Variants in SLC37A1 observed in about 807,000 individuals in gnomAD.
The protein encoded by SLC37A1 is solute carrier family 37 member 1, also known as glucose-6-phosphate exchanger SLC37A1.
Under a neutral mutation model 75.3 loss-of-function variants are expected in SLC37A1, and 49 were observed. The observed-to-expected ratio is 0.65, with a 90% CI of 0.52 to 0.83. SLC37A1 has a LOEUF of 0.83. Among genes scored for constraint, SLC37A1 ranks in the 40% least tolerant of loss-of-function variants. SLC37A1 has a pLI of 0.00. For synonymous variants in SLC37A1, 268 were observed against 292.1 expected (o/e 0.92, Z 0.84); for missense variants, 566 against 695.0 (o/e 0.81, Z 2.09).
chr21:42,574,327 G>T (rs769788859), intron 17 of SLC37A1, among the ~76,000 whole-genome samples: 9 of 152,174 alleles, frequency 5.9e-5, no homozygotes, highest in Non-Finnish European at 1.3e-4. Context: ...AAAATAATGG[G>T]AGTGTTGGAT....
chr21:42,551,744 G>T (rs943117202), intron 9 of SLC37A1, among the ~76,000 whole-genome samples: 1 of 152,188 alleles, frequency 6.6e-6, no homozygotes, highest in African/African-American at 2.4e-5. Flanking sequence ...CACTCCTTCT[G>T]ATTGGTTAAT....
At chr21:42,537,582 G>A (rs928123061) in intron 5 of SLC37A1, among the ~76,000 whole-genome samples, 1 of 152,118 alleles carries the variant, frequency 6.6e-6, no homozygotes, top group African/African-American at 2.4e-5. Flanking sequence ...GGCATCTAGT[G>A]GCTAGAAACC....
intron 11 of SLC37A1, among the ~76,000 whole-genome samples, chr21:42,561,149 A>G (rs2055818487): frequency 6.6e-6 from 1 of 152,206 alleles, no homozygotes; most frequent in South Asian, 2.1e-4. Flanking sequence ...TTCATTTTAG[A>G]ATGACTTGGC....
Position 42,548,680 on chromosome 21 carries a change from CTG to C in SLC37A1, c.768+1542_768+1543del. Among the ~76,000 whole-genome samples, 1 of 152,248 alleles carries C rather than the reference CTG, an allele frequency of 6.6e-6. No individual in the cohort carries two copies. Among genetic ancestry groups the C allele is most frequent in the East Asian group, 1.9e-4 (1 of 5,198 alleles). On this transcript the variant is annotated intron_variant, in intron 9 of 19. Transcript: ENST00000352133. This position sits in a 1 kb window ranked among gnomAD's most constrained non-coding sequence, Gnocchi z 5.6. ...CTTCTTCACACCGCACTTGCAGAGA[CTG>C]TATTGATACAGACGCCAGAGCACAT...
In SLC37A1 at chr21:42,573,415, T is replaced by C. The variant is rs553547374; in HGVS notation, c.1424-1403T>C. ...TCCCTGTGCTGTCTCCCTCTGAGGA[T>C]GCTCAGTGGAGCAGGGAACACTGGA... On this transcript the variant is annotated intron_variant, in intron 17 of 19. Transcript: ENST00000352133. Among the ~76,000 whole-genome samples the C allele has an allele frequency of 5.3e-5, 8 of 152,282 alleles. No homozygotes were observed. In the South Asian group the frequency reaches 1.5e-3, roughly 28 times the overall value.
At chr21:42,539,138 A>G (rs1601708764) in intron 5 of SLC37A1, among the ~76,000 whole-genome samples, 1 of 152,336 alleles carries the variant, frequency 6.6e-6, no homozygotes, top group East Asian at 1.9e-4. Context: ...TAGTTTGACA[A>G]CTGGAATTTT....
intron 11 of SLC37A1, 165 bp from the exon 12 acceptor site, chr21:42,561,913 A>G: frequency 1.6e-6 from 1 of 641,342 alleles, no homozygotes; most frequent in South Asian, 1.8e-5. Context: ...TCACTACACC[A>G]CACAGCGGTG....
chr21:42,557,043 C>T (rs79918208), intron 10 of SLC37A1, among the ~76,000 whole-genome samples: 9,872 of 152,274 alleles, frequency 0.065, 458 homozygotes, highest in Middle Eastern at 0.11. Flanking sequence ...CTGCAAGGGC[C>T]GTGGGCGGCC....
intron 17 of SLC37A1, among the ~76,000 whole-genome samples, chr21:42,574,060 CACAT>C (rs1196985936): frequency 6.6e-6 from 1 of 152,220 alleles, no homozygotes; most frequent in East Asian, 1.9e-4. Context: ...TATGCACACA[CACAT>C]GCATAATTTT....
In SLC37A1 at chr21:42,560,929, G is replaced by C. The variant is rs117457217; in HGVS notation, c.982-1149G>C. Among the ~76,000 whole-genome samples the C allele has an allele frequency of 1.3e-3, 200 of 152,264 alleles. 2 individuals are homozygous for C. Among genetic ancestry groups the C allele is most frequent in the Non-Finnish European group, 2.5e-3 (173 of 68,014 alleles). ...CCCGCTCAAGCCTCCCCCTGCCACC[G>C]CCAGGCTGAGTGTTCAGGCAAGTGT... On this transcript the variant is annotated intron_variant, in intron 11 of 19. Coordinates refer to ENST00000352133, the MANE Select transcript of SLC37A1 (RefSeq NM_001320537.2).
rs2054563619 is a variant in SLC37A1 at position 42,518,391 on chromosome 21, T to C, written c.-64T>C. 2 of 1,600,240 alleles carry C rather than the reference T, an allele frequency of 1.2e-6. No homozygotes were observed. The highest frequency in any genetic ancestry group is 3.3e-5 in the Admixed American group (2 of 59,952). ...ACAGAGAGAGGATCTGGAGCCAGGA[T>C]TAATGACTCATTTATGAAGCATCTT... On this transcript the variant is annotated 5_prime_UTR_variant, in exon 2 of 20. Coordinates refer to ENST00000352133, the MANE Select transcript of SLC37A1 (RefSeq NM_001320537.2).
At position 42,552,899 on chromosome 21, in the gene SLC37A1, C is replaced by G. The variant is rs916288644; in HGVS notation, c.769-1163C>G. ...CATCTCTGCTTCTGCCTGGAATGGT[C>G]GGATGATAAACTGGCCAGATAATCA... On this transcript the variant is annotated intron_variant, in intron 9 of 19. Coordinates refer to ENST00000352133, the MANE Select transcript of SLC37A1 (RefSeq NM_001320537.2). The surrounding 1 kb of genome is among the most constrained non-coding windows in gnomAD (Gnocchi z 4.2). Among the ~76,000 whole-genome samples, 1 of 152,190 alleles carries G rather than the reference C, an allele frequency of 6.6e-6. No homozygotes were observed. Among genetic ancestry groups the G allele is most frequent in the African/African-American group, 2.4e-5 (1 of 41,444 alleles).
At chr21:42,573,901 G>A (rs541417168) in intron 17 of SLC37A1, among the ~76,000 whole-genome samples, 5 of 152,344 alleles carry the variant, frequency 3.3e-5, no homozygotes, top group South Asian at 2.1e-4. Context: ...AGGGGGATAC[G>A]TTATTTGTTT....
At chr21:42,550,193 A>G (rs1031069100) in intron 9 of SLC37A1, among the ~76,000 whole-genome samples, 1 of 152,278 alleles carries the variant, frequency 6.6e-6, no homozygotes, top group Non-Finnish European at 1.5e-5. Flanking sequence ...GGTTCTTTGG[A>G]AAGATCAACA....
rs572553380 is a variant in SLC37A1, at chr21:42,530,366, T to C, written c.139-4332T>C. ...CATTTCACGTGGCACCTGTGACTCA[T>C]CGCAGGAGGCTGGCCGTGGGCAGGT... On this transcript the variant is annotated intron_variant, in intron 3 of 19. Coordinates refer to ENST00000352133, the MANE Select transcript of SLC37A1 (RefSeq NM_001320537.2). Among the ~76,000 whole-genome samples, 18 of 152,298 alleles carry C rather than the reference T, an allele frequency of 1.2e-4. No individual in the cohort carries two copies. The South Asian group carries it at 3.7e-3, about 32-fold the overall frequency.
At position 42,547,206 on chromosome 21, in the gene SLC37A1, C is replaced by A; in HGVS notation, c.768+66C>A. ...CGGTTCTGACCACTTCCCCAGCCTG[C>A]TCCTGCCTGTGCGGTGTCAGACAGA... On this transcript the variant is annotated intron_variant, in intron 9 of 19. Transcript: ENST00000352133. This position sits in a 1 kb window ranked among gnomAD's most constrained non-coding sequence, Gnocchi z 6.1. 1 of 1,573,986 alleles carries A rather than the reference C, an allele frequency of 6.4e-7. No individual in the cohort carries two copies. The highest frequency in any genetic ancestry group is 8.7e-7 in the Non-Finnish European group (1 of 1,143,494).
chr21:42,568,580 A>G (rs1043614313), intron 17 of SLC37A1, 142 bp downstream of exon 17: 21 of 793,330 alleles, frequency 2.6e-5, no homozygotes, highest in African/African-American at 2.1e-4. Flanking sequence ...GCAGATGAGC[A>G]GGGGACATCG....
intron 17 of SLC37A1, among the ~76,000 whole-genome samples, chr21:42,569,176 C>T (rs558102517): frequency 3.3e-5 from 5 of 152,186 alleles, no homozygotes; most frequent in Admixed American, 6.5e-5. Context: ...TGGGGGTCTC[C>T]AGTAAAGCCG....
intron 17 of SLC37A1, among the ~76,000 whole-genome samples, 168 bp from the exon 18 acceptor site, chr21:42,574,650 T>G (rs879698782): frequency 6.6e-6 from 1 of 152,230 alleles, no homozygotes; most frequent in Non-Finnish European, 1.5e-5. Flanking sequence ...CAACCTATAC[T>G]AGGCCTTGTA....
Sources: allele counts gnomAD v4.1 joint callset (sites outside exome capture counted in the v4.1 genomes callset), GRCh38; gene constraint gnomAD v4.1.1; non-coding constraint Gnocchi (gnomAD v3.1); transcripts MANE v1.5; gene names NCBI Gene and HGNC (gene_info 2026-07-23, HGNC 2026-07-21).